IGFBP1: variants seen among roughly 807,000 people sequenced by gnomAD.
The protein encoded by IGFBP1 is insulin-like growth factor-binding protein 1.
IGFBP1 carries 31 observed loss-of-function variants against 23.1 expected under a neutral mutation model. The ratio of observed to expected loss-of-function variants is 1.34; its 90% CI spans 1.01 to 1.81. The LOEUF (loss-of-function observed/expected upper bound fraction) is 1.81. Among genes scored for constraint, IGFBP1 ranks in the 40% most tolerant of loss-of-function variants. IGFBP1 has a pLI of 0.00. For missense variants in IGFBP1, 333 were observed against 342.2 expected (o/e 0.97, Z 0.21); for synonymous variants, 148 against 145.5 (o/e 1.02, Z -0.13).
In IGFBP1 at chr7:45,888,843, C is replaced by A. The variant is rs910893952; in HGVS notation, c.191C>A (p.Ala64Asp). 3.2e-5 allele frequency: 49 copies of A among 1,535,104 alleles called. No homozygotes were observed. The highest frequency in any genetic ancestry group is 4.2e-5 in the African/African-American group (3 of 70,698). Reference sequence around the variant, plus strand: ...GGCTGCGGCTGTTGCCCGATGTGCGCCCTGCCTCTGGGCGCCGCGTGCGGC... The same window carrying A: ...GGCTGCGGCTGTTGCCCGATGTGCGACCTGCCTCTGGGCGCCGCGTGCGGC... ...SAGCGCCPMCALPLGAACGVA... is the reference protein window; with the variant it reads ...SAGCGCCPMCDLPLGAACGVA... Residue 64 changes from alanine (A) to aspartate (D), a missense_variant, in exon 1 of 4, where the codon GCC (alanine) becomes GAC (aspartate). Physicochemically the swap from Ala to Asp is moderately radical, Grantham distance 126. Coordinates refer to ENST00000275525, the MANE Select transcript of IGFBP1 (RefSeq NM_000596.4).
At chr7:45,889,194 C>T (rs1787037595) in intron 1 of IGFBP1, among the ~76,000 whole-genome samples, 193 bp downstream of exon 1, 2 of 152,244 alleles carry the variant, frequency 1.3e-5, no homozygotes, top group Admixed American at 1.3e-4. Flanking sequence ...ATTGCACGGT[C>T]TTGGCAGGAC....
intron 1 of IGFBP1, 47 bp from the exon 2 acceptor site, chr7:45,890,501 C>T (rs746305666): frequency 6.5e-7 from 1 of 1,546,642 alleles, no homozygotes; most frequent in South Asian, 1.3e-5. Flanking sequence ...CCGAAAGGGG[C>T]AGATGCTTTG....
chr7:45,892,078 T>A lies in IGFBP1; in HGVS notation c.648+18T>A. ...GCAGACAGGTAGGTGGCCTTGCCAGTGTGCGTCGTCAGGGTGAAAGGGACT... is the reference window on the plus strand; with the variant it reads ...GCAGACAGGTAGGTGGCCTTGCCAGAGTGCGTCGTCAGGGTGAAAGGGACT... On this transcript the variant is annotated intron_variant, in intron 3 of 3. Coordinates refer to ENST00000275525, the MANE Select transcript of IGFBP1 (RefSeq NM_000596.4). 6.2e-7 allele frequency: 1 copy of A among 1,613,510 alleles called. No homozygotes were observed. Among genetic ancestry groups the A allele is most frequent in the Non-Finnish European group, 8.5e-7 (1 of 1,179,588 alleles).
chr7:45,892,140 G>C (rs1415801188), intron 3 of IGFBP1, 80 bp downstream of exon 3: 4 of 1,469,412 alleles, frequency 2.7e-6, no homozygotes, highest in Non-Finnish European at 3.8e-6. Context: ...GGTCATTCAT[G>C]TCAAAGAAGG....
chr7:45,893,047 AG>A lies in IGFBP1; in HGVS notation c.740del (p.Gly247GlufsTer17), dbSNP rs761470489. ...GAGGATCCCTGGGTCTCCAGAGATC[AG>A]GGGAGACCCCAACTGCCAGATATAT... is the stretch of plus-strand genomic sequence containing the variant. ...GKRIPGSPEIRGDPNCQIYFN... is the reference protein window; with the variant it reads ...GKRIPGSPEIXGDPNCQIYFN... On this transcript the variant is annotated frameshift_variant, in exon 4 of 4. Transcript: ENST00000275525. LOFTEE classifies it high-confidence loss of function. 244 of 1,610,498 alleles carry A rather than the reference AG, an allele frequency of 1.5e-4. No individual in the cohort carries two copies. Among genetic ancestry groups the A allele is most frequent in the Non-Finnish European group, 2.0e-4 (237 of 1,176,876 alleles).
At chr7:45,890,311 TG>T (rs1787057911) in intron 1 of IGFBP1, among the ~76,000 whole-genome samples, 1 of 152,226 alleles carries the variant, frequency 6.6e-6, no homozygotes, top group South Asian at 2.1e-4. Context: ...GGGGCACCCT[TG>T]CCAGGCCCTG....
Position 45,891,416 on chromosome 7 carries a change from C to T in IGFBP1, c.520-516C>T, listed in dbSNP as rs9658210. On this transcript the variant is annotated intron_variant, in intron 2 of 3. Transcript: ENST00000275525. The stretch of plus-strand genomic sequence containing the variant: ...ATTTTGGAATTTCATCTGAGAATAA[C>T]GATAAATGGAGGAAAGTTAATTCTT... 2.9e-3 allele frequency among the ~76,000 whole-genome samples: 441 copies of T among 152,254 alleles called. 2 individuals carry two copies. The highest frequency in any genetic ancestry group is 0.01 in the African/African-American group (424 of 41,532).
chr7:45,888,725 G>A lies in IGFBP1; in HGVS notation c.73G>A (p.Gly25Ser). The change falls in exon 1 of 4, where the codon GGC (glycine) becomes AGC (serine). Residue 25 changes from glycine (G) to serine (S), a missense_variant. By Grantham distance (56) the Gly-to-Ser change is moderately conservative (BLOSUM62 0). Transcript: ENST00000275525. ...LLTVQVGVTA[G>S]APWQCAPCSA... is the part of the protein sequence containing the mutation. ...GACTGTCCAGGTCGGCGTGACAGCCGGCGCTCCGTGGCAGTGCGCGCCCTG... is the reference window on the plus strand; with the variant it reads ...GACTGTCCAGGTCGGCGTGACAGCCAGCGCTCCGTGGCAGTGCGCGCCCTG... 6.3e-7 allele frequency: 1 copy of A among 1,595,354 alleles called. No individual in the cohort carries two copies. Among genetic ancestry groups the A allele is most frequent in the Non-Finnish European group, 8.5e-7 (1 of 1,178,820 alleles).
chr7:45,890,458 G>A (rs1787060215), intron 1 of IGFBP1, 90 bp from the exon 2 acceptor site: 10 of 1,395,050 alleles, frequency 7.2e-6, no homozygotes, highest in Non-Finnish European at 8.8e-6. Context: ...GGCCCAGCCT[G>A]GTTTTGAGGG....
chr7:45,892,863 G>T, intron 3 of IGFBP1, 97 bp from the exon 4 acceptor site: 1 of 1,193,534 alleles, frequency 8.4e-7, no homozygotes. Flanking sequence ...GCTTGGCTCT[G>T]CAGTGCTCGG....
chr7:45,890,834 CT>C (rs1687103914), intron 2 of IGFBP1, 117 bp downstream of exon 2: 2 of 920,954 alleles, frequency 2.2e-6, no homozygotes, highest in Admixed American at 2.7e-5. Flanking sequence ...GAAAGAAATG[CT>C]TTTCCCCCAA....
At chr7:45,890,042 G>A (rs901380021) in intron 1 of IGFBP1, among the ~76,000 whole-genome samples, 4 of 152,180 alleles carry the variant, frequency 2.6e-5, no homozygotes, top group African/African-American at 9.7e-5. Flanking sequence ...ACGTGGGAAG[G>A]CAGGGGCCCC....
chr7:45,890,614 A>G lies in IGFBP1; in HGVS notation c.416A>G (p.His139Arg). 1 of 1,613,936 alleles carries G rather than the reference A, an allele frequency of 6.2e-7. No individual in the cohort carries two copies. The highest frequency in any genetic ancestry group is 1.1e-5 in the South Asian group (1 of 91,068). Residue 139 changes from histidine to arginine, a missense_variant, in exon 2 of 4, where the codon CAT becomes CGT. His to Arg is a conservative substitution (Grantham distance 29, BLOSUM62 0). Transcript: ENST00000275525. ...GAGGAGGAGCTCCTGGATAATTTCC[A>G]TCTGATGGCCCCTTCTGAAGAGGAT... ...ITEEELLDNF[H>R]LMAPSEEDHS...
In IGFBP1 at chr7:45,888,542, T is replaced by G; in HGVS notation, c.-111T>G. On this transcript the variant is annotated 5_prime_UTR_variant, in exon 1 of 4. Transcript: ENST00000275525. ...ATCTGCCGCCGCGCCGCCGCCACCC[T>G]CCCAGAGAGCACTGGCCACCGCTCC... The G allele has an allele frequency of 1.1e-6, 1 of 923,862 alleles. No homozygotes were observed. Among genetic ancestry groups the G allele is most frequent in the Non-Finnish European group, 1.6e-6 (1 of 610,100 alleles). 57.2% of individuals were successfully genotyped at this position (923,862 alleles called of 1,614,324 possible). A position where few individuals can be genotyped will look rare whatever the true frequency, so the allele number is the denominator to read the frequency against.
intron 2 of IGFBP1, among the ~76,000 whole-genome samples, chr7:45,891,103 T>G (rs1325714519): frequency 5.3e-5 from 8 of 152,236 alleles, no homozygotes; most frequent in Admixed American, 6.5e-5. Flanking sequence ...TAAAATGTAC[T>G]GTTTTAACTA....
chr7:45,889,076 T>G, intron 1 of IGFBP1, 75 bp downstream of exon 1: 3 of 1,131,920 alleles, frequency 2.7e-6, no homozygotes, highest in Non-Finnish European at 3.6e-6. Context: ...CCCACTCCCC[T>G]AACTACTGGG....
In IGFBP1 at chr7:45,888,933, T is replaced by C; in HGVS notation, c.281T>C (p.Leu94Pro). The C allele has an allele frequency of 6.6e-7, 1 of 1,523,062 alleles. No individual in the cohort carries two copies. Among genetic ancestry groups the C allele is most frequent in the South Asian group, 1.2e-5 (1 of 82,898 alleles). The allele number at this position is 1,523,062 out of a possible 1,614,324, so 94.3% of individuals were successfully genotyped here. Residue 94 changes from leucine (L) to proline (P), a missense_variant, in exon 1 of 4, where the codon CTG (leucine) becomes CCG (proline). Transcript: ENST00000275525. ...GCGCTGCCGGGGGAGCAGCAACCTC[T>C]GCACGCCCTCACCCGCGGCCAAGGC... ...CRALPGEQQP[L>P]HALTRGQGAC...
At chr7:45,891,835 C>A in intron 2 of IGFBP1, 97 bp from the exon 3 acceptor site, 1 of 1,257,136 alleles carries the variant, frequency 8.0e-7, no homozygotes, top group Non-Finnish European at 1.1e-6. Context: ...ATCGTAGGGC[C>A]ACTCCTGCTT....
In IGFBP1 at chr7:45,888,505, C is replaced by T. The variant is rs943694863; in HGVS notation, c.-148C>T. ...CAGCGAGCATCGGCCACCGCCATCC[C>T]ATCCAGCGAGCATCTGCCGCCGCGC... On this transcript the variant is annotated 5_prime_UTR_variant, in exon 1 of 4. Transcript: ENST00000275525. The T allele has an allele frequency of 3.0e-6, 2 of 663,404 alleles. No homozygotes were observed. Among genetic ancestry groups the T allele is most frequent in the Non-Finnish European group, 5.2e-6 (2 of 386,910 alleles). 41.1% of individuals were successfully genotyped at this position (663,404 alleles called of 1,614,324 possible).
Sources: allele counts gnomAD v4.1 joint callset (sites outside exome capture counted in the v4.1 genomes callset), GRCh38; gene constraint gnomAD v4.1.1; transcripts MANE v1.5; gene names NCBI Gene and HGNC (gene_info 2026-07-23, HGNC 2026-07-21).